Variants in NUFIP2 observed in about 807,000 individuals in gnomAD.
The protein encoded by NUFIP2 is nuclear FMR1 interacting protein 2.
A neutral mutation model predicts 56.9 loss-of-function variants in NUFIP2; 6 were observed. The observed-to-expected ratio is 0.11, with a 90% CI of 0.06 to 0.21. The LOEUF (loss-of-function observed/expected upper bound fraction) is 0.21. Among genes scored for constraint, NUFIP2 ranks in the 10% least tolerant of loss-of-function variants. The pLI is 1.00. For synonymous variants in NUFIP2, 321 were observed against 298.2 expected (o/e 1.08, Z -0.79); for missense variants, 828 against 826.8 (o/e 1.00, Z -0.02).
Position 29,258,513 on chromosome 17 carries a change from G to A in NUFIP2, c.*6026C>T, listed in dbSNP as rs749870310. The A allele has an allele frequency of 6.6e-6, 1 of 152,158 alleles. No homozygotes were observed. The highest frequency in any genetic ancestry group is 2.4e-5 in the African/African-American group (1 of 41,434). The allele number at this position is 152,158 out of a possible 1,614,324, so 9.4% of individuals were successfully genotyped here. On this transcript the variant is annotated 3_prime_UTR_variant, in exon 4 of 4. Coordinates refer to ENST00000225388, the MANE Select transcript of NUFIP2 (RefSeq NM_020772.3). ...ATCAGCAACAAATCAATGACACCACGTCCTTTAAGCCATTCTTCCCAATTC... is the reference window on the plus strand; with the variant it reads ...ATCAGCAACAAATCAATGACACCACATCCTTTAAGCCATTCTTCCCAATTC...
At chr17:29,265,281 ATTTTTATT>A (rs1169195051) in intron 3 of NUFIP2, among the ~76,000 whole-genome samples, 4 of 148,264 alleles carry the variant, frequency 2.7e-5, no homozygotes, top group Non-Finnish European at 4.5e-5. Context: ...AACTGTTTTT[ATTTTTATT>A]TTTTTATTTT....
Position 29,267,855 on chromosome 17 carries a change from T to C in NUFIP2, c.2003-325A>G, listed in dbSNP as rs565088463. On this transcript the variant is annotated intron_variant, in intron 2 of 3. Coordinates refer to ENST00000225388, the MANE Select transcript of NUFIP2 (RefSeq NM_020772.3). ...TTTCTTTGGTAGAGATGGAGTCTGT[T>C]GCCCAGGCTGGTCCTCCTGCCTCAG... is the stretch of plus-strand genomic sequence containing the variant. Among the ~76,000 whole-genome samples, 17 of 152,322 alleles carry C rather than the reference T, an allele frequency of 1.1e-4. No individual in the cohort carries two copies. The East Asian group carries it at 2.5e-3, about 22-fold the overall frequency.
intron 2 of NUFIP2, among the ~76,000 whole-genome samples, chr17:29,278,043 T>C (rs1034207082): frequency 6.6e-6 from 1 of 151,746 alleles, no homozygotes; most frequent in Non-Finnish European, 1.5e-5. Flanking sequence ...GAAAAAGAAA[T>C]ACAGCATGCT....
In NUFIP2 at chr17:29,294,096, C is replaced by T. The variant is rs377729563; in HGVS notation, c.-37G>A. The T allele has an allele frequency of 1.3e-5, 21 of 1,562,562 alleles. No homozygotes were observed. The highest frequency in any genetic ancestry group is 2.3e-5 in the East Asian group (1 of 44,434). On this transcript the variant is annotated 5_prime_UTR_variant, in exon 1 of 4. Coordinates refer to ENST00000225388, the MANE Select transcript of NUFIP2 (RefSeq NM_020772.3). ...GGGACTCCCTGGCTGAGGCTGCGGG[C>T]TGCTGCACCGTCAGGATCTGAGACT... is the stretch of plus-strand genomic sequence containing the variant.
At position 29,283,147 on chromosome 17, in the gene NUFIP2, T is replaced by C. The variant is rs558531998; in HGVS notation, c.2002+2845A>G. On this transcript the variant is annotated intron_variant, in intron 2 of 3. Transcript: ENST00000225388. Reference sequence around the variant, plus strand: ...TAATACCAGCAAAACTAAATATAACTGCACCCATATAGGGGTATTCAGCTT... The same window carrying C: ...TAATACCAGCAAAACTAAATATAACCGCACCCATATAGGGGTATTCAGCTT... 9.2e-5 allele frequency among the ~76,000 whole-genome samples: 14 copies of C among 152,300 alleles called. 1 individual carries two copies. The South Asian group carries it at 2.9e-3, about 32-fold the overall frequency.
At position 29,294,038 on chromosome 17, in the gene NUFIP2, G is replaced by A; in HGVS notation, c.22C>T (p.Pro8Ser). The A allele has an allele frequency of 6.2e-7, 1 of 1,604,774 alleles. No individual in the cohort carries two copies. Among genetic ancestry groups the A allele is most frequent in the Non-Finnish European group, 8.5e-7 (1 of 1,173,872 alleles). MEEKPGQ[P>S]QPQHHHSHHH... ...TGGCTGTGATGGTGCTGAGGCTGTG[G>A]CTGGCCGGGCTTCTCCTCCATTGAA... The change falls in exon 1 of 4, where the codon CCA becomes TCA. Residue 8 changes from proline (P) to serine (S), a missense_variant. Physicochemically the swap from Pro to Ser is moderately conservative, Grantham distance 74. Around this residue, in one of 3 missense-constraint regions of NUFIP2, gnomAD observed 415 missense variants for 408.7 expected, o/e 1.02. Transcript: ENST00000225388.
Position 29,260,536 on chromosome 17 carries a change from T to C in NUFIP2, c.*4003A>G, listed in dbSNP as rs1231489550. On this transcript the variant is annotated 3_prime_UTR_variant, in exon 4 of 4. Coordinates refer to ENST00000225388, the MANE Select transcript of NUFIP2 (RefSeq NM_020772.3). ...AAAATTGAGTAAAGTCCATTTCCAA[T>C]AGCCATTTGATACATGACAATTTCA... 1 of 152,254 alleles carries C rather than the reference T, an allele frequency of 6.6e-6. No homozygotes were observed. The highest frequency in any genetic ancestry group is 1.5e-5 in the Non-Finnish European group (1 of 68,044). 9.4% of individuals were successfully genotyped at this position (152,254 alleles called of 1,614,324 possible). A position where few individuals can be genotyped will look rare whatever the true frequency, so the allele number is the denominator to read the frequency against.
At position 29,261,076 on chromosome 17, in the gene NUFIP2, T is replaced by C. The variant is rs2068999730; in HGVS notation, c.*3463A>G. 6.6e-6 allele frequency: 1 copy of C among 152,150 alleles called. No homozygotes were observed. The highest frequency in any genetic ancestry group is 2.4e-5 in the African/African-American group (1 of 41,424). 9.4% of individuals were successfully genotyped at this position (152,150 alleles called of 1,614,324 possible). ...ATAAAGAGAAAGATAATACACCCTG[T>C]GTATTTTGTGGGAAAAGGGGATTAT... On this transcript the variant is annotated 3_prime_UTR_variant, in exon 4 of 4. Coordinates refer to ENST00000225388, the MANE Select transcript of NUFIP2 (RefSeq NM_020772.3).
chr17:29,258,512 C>A lies in NUFIP2; in HGVS notation c.*6027G>T, dbSNP rs1198289674. ...GATCAGCAACAAATCAATGACACCA[C>A]GTCCTTTAAGCCATTCTTCCCAATT... On this transcript the variant is annotated 3_prime_UTR_variant, in exon 4 of 4. Coordinates refer to ENST00000225388, the MANE Select transcript of NUFIP2 (RefSeq NM_020772.3). 6.6e-6 allele frequency: 1 copy of A among 152,142 alleles called. No individual in the cohort carries two copies. Among genetic ancestry groups the A allele is most frequent in the Non-Finnish European group, 1.5e-5 (1 of 68,022 alleles). The allele number at this position is 152,142 out of a possible 1,614,324, so 9.4% of individuals were successfully genotyped here.
chr17:29,288,340 G>A (rs1306855043), intron 1 of NUFIP2, among the ~76,000 whole-genome samples: 7 of 152,218 alleles, frequency 4.6e-5, no homozygotes, highest in Admixed American at 2.0e-4. Flanking sequence ...CCACACGCCC[G>A]GCCTAAAATT....
chr17:29,284,393 A>C (rs1025222655), intron 2 of NUFIP2, among the ~76,000 whole-genome samples: 1 of 152,160 alleles, frequency 6.6e-6, no homozygotes, highest in African/African-American at 2.4e-5. Context: ...AGACACAAAC[A>C]AACCACATTC....
At position 29,261,941 on chromosome 17, in the gene NUFIP2, T is replaced by C. The variant is rs2069005593; in HGVS notation, c.*2598A>G. The C allele has an allele frequency of 6.7e-6, 1 of 150,192 alleles. No homozygotes were observed. 9.3% of individuals were successfully genotyped at this position (150,192 alleles called of 1,614,324 possible). A position where few individuals can be genotyped will look rare whatever the true frequency, so the allele number is the denominator to read the frequency against. ...GCATTGTTTCATTTAGAAGTGAGAC[T>C]CTCAAAAACCTTTGGACAGACAGAG... On this transcript the variant is annotated 3_prime_UTR_variant, in exon 4 of 4. Transcript: ENST00000225388.
At chr17:29,275,832 A>G (rs1344750917) in intron 2 of NUFIP2, among the ~76,000 whole-genome samples, 1 of 152,154 alleles carries the variant, frequency 6.6e-6, no homozygotes, top group East Asian at 1.9e-4. Flanking sequence ...GTTCGAGGCC[A>G]GCCTGACCAA....
rs374036216 is a variant in NUFIP2, at chr17:29,256,039, T to C, written c.*8500A>G. On this transcript the variant is annotated 3_prime_UTR_variant, in exon 4 of 4. Coordinates refer to ENST00000225388, the MANE Select transcript of NUFIP2 (RefSeq NM_020772.3). ...TCACGTAAATGACACTTCCTCAGAA[T>C]CCATGACATCAGAAACAGCTATAGC... 3.9e-5 allele frequency: 6 copies of C among 152,294 alleles called. No homozygotes were observed. In the South Asian group the frequency reaches 1.2e-3, roughly 32 times the overall value. The allele number at this position is 152,294 out of a possible 1,614,324, so 9.4% of individuals were successfully genotyped here. A position where few individuals can be genotyped will look rare whatever the true frequency, so the allele number is the denominator to read the frequency against.
At chr17:29,267,118 G>A (rs1598429685) in intron 3 of NUFIP2, among the ~76,000 whole-genome samples, 1 of 151,796 alleles carries the variant, frequency 6.6e-6, no homozygotes. Flanking sequence ...TGGCCAGGCT[G>A]GTCTTGAACT....
At chr17:29,276,037 T>TAC (rs1253186403) in intron 2 of NUFIP2, among the ~76,000 whole-genome samples, 2 of 149,536 alleles carry the variant, frequency 1.3e-5, no homozygotes, top group African/African-American at 5.0e-5. Context: ...CAAATATATA[T>TAC]ATATATATAT....
chr17:29,284,980 C>T (rs2069163286), intron 2 of NUFIP2, among the ~76,000 whole-genome samples: 1 of 152,018 alleles, frequency 6.6e-6, no homozygotes. Flanking sequence ...ATTAAATGAG[C>T]TCACTATTAA....
intron 2 of NUFIP2, among the ~76,000 whole-genome samples, chr17:29,270,485 TAA>T (rs1196894326): frequency 1.3e-5 from 2 of 151,906 alleles, no homozygotes; most frequent in East Asian, 1.9e-4. Flanking sequence ...GCCTATTTTT[TAA>T]AAGTCCAAAT....
chr17:29,273,900 G>A (rs1168406025), intron 2 of NUFIP2, among the ~76,000 whole-genome samples: 3 of 151,834 alleles, frequency 2.0e-5, no homozygotes, highest in South Asian at 2.1e-4. Context: ...TTCCTATAGC[G>A]AAATGTCCAG....
Sources: allele counts gnomAD v4.1 joint callset (sites outside exome capture counted in the v4.1 genomes callset), GRCh38; gene constraint gnomAD v4.1.1; regional missense constraint gnomAD v4.1.1; transcripts MANE v1.5; gene names NCBI Gene and HGNC (gene_info 2026-07-23, HGNC 2026-07-21).